RYR1: variants seen among roughly 807,000 people sequenced by gnomAD.
The protein encoded by RYR1 is ryanodine receptor 1.
Under a neutral mutation model 583.5 loss-of-function variants are expected in RYR1, and 342 were observed. The ratio of observed to expected loss-of-function variants is 0.59; its 90% CI spans 0.54 to 0.64. The LOEUF (loss-of-function observed/expected upper bound fraction) is 0.64. Ranked by LOEUF, RYR1 falls within the 30% of genes least tolerant of loss-of-function variation. The pLI is 0.00. For missense variants in RYR1, 6,032 were observed against 6,917.2 expected (o/e 0.87, Z 4.54); for synonymous variants, 2,791 against 2,822.5 (o/e 0.99, Z 0.35).
At chr19:38,566,879 G>A (rs1318668667) in intron 91 of RYR1, 32 bp from the exon 92 acceptor site, 6 of 1,587,216 alleles carry the variant, frequency 3.8e-6, no homozygotes, top group Non-Finnish European at 5.1e-6. Context: ...CTTAGGGTGA[G>A]GACTCAGCCC....
At chr19:38,492,688 T>C (rs1397172645) in intron 38 of RYR1, 52 bp downstream of exon 38, 1 of 1,546,962 alleles carries the variant, frequency 6.5e-7, no homozygotes. Flanking sequence ...GGTAGCCCCA[T>C]GCCTGCGGAG....
intron 13 of RYR1, among the ~76,000 whole-genome samples, chr19:38,453,258 G>A (rs1370672592): frequency 1.3e-5 from 2 of 151,328 alleles, no homozygotes; most frequent in African/African-American, 4.9e-5. Context: ...GGGGCAGGGC[G>A]TATGGCCGAC....
chr19:38,507,899 G>C lies in RYR1; in HGVS notation c.8932+72G>C, dbSNP rs549039166. The C allele has an allele frequency of 1.7e-5, 15 of 898,068 alleles. No individual in the cohort carries two copies. The East Asian group carries it at 3.4e-4, about 20-fold the overall frequency. 55.6% of individuals were successfully genotyped at this position (898,068 alleles called of 1,614,324 possible). A position where few individuals can be genotyped will look rare whatever the true frequency, so the allele number is the denominator to read the frequency against. On this transcript the variant is annotated intron_variant, in intron 58 of 105. Transcript: ENST00000359596. ...CAGTTCTGCAGACCAGACTCACCTA[G>C]GACACCTGTTCATGCACTCAATCCG...
chr19:38,463,695 G>A (rs756171136), intron 21 of RYR1, 52 bp from the exon 22 acceptor site: 8 of 1,554,914 alleles, frequency 5.1e-6, no homozygotes, highest in South Asian at 3.3e-5. Context: ...TGGGCATGTG[G>A]GGAGTGGGAA....
intron 89 of RYR1, among the ~76,000 whole-genome samples, chr19:38,552,584 G>A (rs1242509596): frequency 6.6e-6 from 1 of 152,152 alleles, no homozygotes; most frequent in East Asian, 1.9e-4. Flanking sequence ...TATGGATGTG[G>A]AAACTGAGGC....
intron 94 of RYR1, 97 bp from the exon 95 acceptor site, chr19:38,571,922 G>T: frequency 6.4e-7 from 1 of 1,561,948 alleles, no homozygotes; most frequent in East Asian, 2.2e-5. Context: ...GACTGTATCT[G>T]GTATGGTCCC....
intron 39 of RYR1, among the ~76,000 whole-genome samples, chr19:38,495,346 G>A (rs1383424416): frequency 6.6e-6 from 1 of 152,026 alleles, no homozygotes; most frequent in Non-Finnish European, 1.5e-5. Flanking sequence ...TTCGTGCCAG[G>A]CATTTCTAGG....
Position 38,448,796 on chromosome 19 carries a change from G to A in RYR1, c.1105G>A (p.Gly369Ser), listed in dbSNP as rs570010656. 23 of 1,613,874 alleles carry A rather than the reference G, an allele frequency of 1.4e-5. No individual in the cohort carries two copies. The African/African-American group carries it at 2.3e-4, about 16-fold the overall frequency. ...AAPDPKALRL[G>S]VLKKKAMLHQ... The stretch of plus-strand genomic sequence containing the variant: ...TCCAGACCCCAAGGCCCTGCGGCTC[G>A]GCGTGCTCAAGAAGAAGGTGGGTGT... The change falls in exon 11 of 106, where the codon GGC (glycine) becomes AGC (serine). Residue 369 changes from glycine (G) to serine (S), a missense_variant. Physicochemically the swap from Gly to Ser is moderately conservative, Grantham distance 56 (BLOSUM62 0). Coordinates refer to ENST00000359596, the MANE Select transcript of RYR1 (RefSeq NM_000540.3).
At chr19:38,443,090 G>A (rs1042014641) in intron 3 of RYR1, among the ~76,000 whole-genome samples, 1 of 152,174 alleles carries the variant, frequency 6.6e-6, no homozygotes, top group African/African-American at 2.4e-5. Context: ...GGGGAGGGGC[G>A]GCTGTCTTAG....
chr19:38,496,136 C>T lies in RYR1; in HGVS notation c.6549-79C>T, dbSNP rs1449206413. On this transcript the variant is annotated intron_variant, in intron 39 of 105. Transcript: ENST00000359596. This position sits in a 1 kb window ranked among gnomAD's most constrained non-coding sequence, Gnocchi z 4.8. The stretch of plus-strand genomic sequence containing the variant: ...GCACAGAGTGAGAGGGTCAAGAATG[C>T]CAACGCTGTCACAGTGGTGGCTATG... 1.7e-6 allele frequency: 2 copies of T among 1,164,946 alleles called. No homozygotes were observed. Among genetic ancestry groups the T allele is most frequent in the Non-Finnish European group, 2.6e-6 (2 of 781,104 alleles). The allele number at this position is 1,164,946 out of a possible 1,614,324, so 72.2% of individuals were successfully genotyped here.
rs369328439 is a variant in RYR1, at chr19:38,581,896, C to T, written c.14646+1392C>T. 7.7e-4 allele frequency among the ~76,000 whole-genome samples: 118 copies of T among 152,286 alleles called. 1 individual carries two copies. The highest frequency in any genetic ancestry group is 2.8e-3 in the African/African-American group (115 of 41,554). On this transcript the variant is annotated intron_variant, in intron 101 of 105. Coordinates refer to ENST00000359596, the MANE Select transcript of RYR1 (RefSeq NM_000540.3). ...GTGCTGGGATTACAGATGTGAGCAA[C>T]TGCACCCGGCCTTATTTGAGCTTTT...
At position 38,496,847 on chromosome 19, in the gene RYR1, C is replaced by G. The variant is rs762182713; in HGVS notation, c.6797-13C>G. 3.7e-6 allele frequency: 6 copies of G among 1,611,274 alleles called. No individual in the cohort carries two copies. In the Admixed American group the frequency reaches 1.0e-4, roughly 27 times the overall value. ...CAGGAGTGAGATGTTCTCCCCACCT[C>G]TCGCCCCTGCAGGCATGCAGGGCTC... On this transcript the variant is annotated splice_polypyrimidine_tract_variant and intron_variant, in intron 41 of 105. Coordinates refer to ENST00000359596, the MANE Select transcript of RYR1 (RefSeq NM_000540.3). This position sits in a 1 kb window ranked among gnomAD's most constrained non-coding sequence, Gnocchi z 4.8.
At chr19:38,536,379 T>A (rs775314417) in intron 82 of RYR1, among the ~76,000 whole-genome samples, 1 of 149,306 alleles carries the variant, frequency 6.7e-6, no homozygotes, top group South Asian at 2.1e-4. Context: ...CCCTGGTTGC[T>A]GTTCTCTTAT....
chr19:38,580,652 GA>G, intron 101 of RYR1, 148 bp downstream of exon 101: 1 of 1,029,308 alleles, frequency 9.7e-7, no homozygotes, highest in Non-Finnish European at 1.5e-6. Context: ...TTGAGTCCAG[GA>G]GTTGGAAACC....
intron 81 of RYR1, chr19:38,535,774 TG>T: frequency 1.6e-6 from 1 of 621,188 alleles, no homozygotes; most frequent in Non-Finnish European, 2.9e-6. Flanking sequence ...GCTAAATGGG[TG>T]GTTTCTGGTT....
chr19:38,567,389 C>T (rs1257377495), intron 92 of RYR1, among the ~76,000 whole-genome samples: 1 of 152,096 alleles, frequency 6.6e-6, no homozygotes, highest in Admixed American at 6.5e-5. Context: ...GCCAGGCCTT[C>T]GCATGTGCTT....
At chr19:38,523,392 C>G in intron 69 of RYR1, 83 bp downstream of exon 69, 2 of 1,538,904 alleles carry the variant, frequency 1.3e-6, no homozygotes, top group Non-Finnish European at 1.8e-6. Flanking sequence ...TGTCCTCACC[C>G]AGCCAGCCCG....
At chr19:38,501,271 G>A (rs185938859) in intron 47 of RYR1, among the ~76,000 whole-genome samples, 6 of 152,220 alleles carry the variant, frequency 3.9e-5, no homozygotes, top group East Asian at 1.9e-4. Flanking sequence ...GAGCCGAGGC[G>A]AGCGGATCAC....
chr19:38,504,903 G>C lies in RYR1; in HGVS notation c.8223G>C (p.Glu2741Asp), dbSNP rs1970371040. ...GCAACTTTGATCCCCGGCCTGTGGA[G>C]ACCCTCAAGTGAGGCCTGGGGGCTG... ...AEGNFDPRPVETLNVIIPEKL... is the reference protein window; with the variant it reads ...AEGNFDPRPVDTLNVIIPEKL... Residue 2741 changes from glutamate to aspartate, a missense_variant, in exon 51 of 106, where the codon GAG becomes GAC. Physicochemically the swap from Glu to Asp is conservative, Grantham distance 45. This residue lies in a region of RYR1 where 1,493 missense variants were observed against 1,715.5 expected (regional missense o/e 0.87). Transcript: ENST00000359596. 6.2e-7 allele frequency: 1 copy of C among 1,614,158 alleles called. No individual in the cohort carries two copies. The highest frequency in any genetic ancestry group is 8.5e-7 in the Non-Finnish European group (1 of 1,180,014).
Sources: gnomAD v4.1 joint callset for allele counts (sites outside exome capture counted in the v4.1 genomes callset) on GRCh38, gnomAD v4.1.1 for gene constraint, gnomAD v4.1.1 regional missense constraint, Gnocchi (gnomAD v3.1) non-coding constraint, MANE v1.5 for transcripts, NCBI Gene and HGNC (gene_info 2026-07-23, HGNC 2026-07-21) for gene names.